The following CREM variants were observed in gnomAD, a reference collection of about 807,000 sequenced individuals.
CREM encodes the protein cAMP-responsive element modulator.
CREM carries 13 observed loss-of-function variants against 37.3 expected under a neutral mutation model. The observed-to-expected ratio is 0.35, with a 90% CI of 0.23 to 0.55. CREM has a LOEUF of 0.55. Among genes scored for constraint, CREM ranks in the 20% least tolerant of loss-of-function variants. The pLI, the probability that CREM is intolerant of heterozygous loss-of-function variation, is 0.88. For synonymous variants in CREM, 124 were observed against 120.2 expected, an observed-to-expected ratio of 1.03 and a Z score of -0.21; for missense variants, 296 against 362.3, an observed-to-expected ratio of 0.82 and a Z score of 1.49.
At chr10:35,141,437 G>C (rs1197706609) in intron 2 of CREM, among the ~76,000 whole-genome samples, 1 of 152,210 alleles carries the variant, frequency 6.6e-6, no homozygotes, top group East Asian at 1.9e-4. Context: ...TTGTTCTTTA[G>C]AAGGTAGAAT....
intron 6 of CREM, among the ~76,000 whole-genome samples, chr10:35,199,312 T>C (rs1008100412): frequency 6.6e-6 from 1 of 152,274 alleles, no homozygotes; most frequent in Non-Finnish European, 1.5e-5. Context: ...ACTCATGTTA[T>C]TTTCCTACTA....
intron 3 of CREM, among the ~76,000 whole-genome samples, chr10:35,164,962 A>G (rs1243551200): frequency 6.6e-6 from 1 of 150,490 alleles, no homozygotes; most frequent in African/African-American, 2.4e-5. Flanking sequence ...GAGGCAGGAG[A>G]ATCACTTGAA....
intron 6 of CREM, among the ~76,000 whole-genome samples, chr10:35,193,363 TC>T (rs2094999405): frequency 6.6e-6 from 1 of 152,186 alleles, no homozygotes. Flanking sequence ...CTTCTTTCTT[TC>T]CTTCCTTGCC....
intron 5 of CREM, among the ~76,000 whole-genome samples, chr10:35,184,753 G>A (rs1210974948): frequency 6.6e-6 from 1 of 152,118 alleles, no homozygotes; most frequent in African/African-American, 2.4e-5. Flanking sequence ...GATCAGAACT[G>A]TGGGGAAACA....
chr10:35,211,295 T>A lies in CREM; in HGVS notation c.797T>A (p.Val266Asp). The change falls in exon 8 of 8, where the codon GTC (valine) becomes GAC (aspartate). Residue 266 changes from valine to aspartate, a missense_variant. Transcript: ENST00000685392. The part of the protein sequence containing the change: ...RECRRKKKEY[V>D]KCLENRVAVL... ...TGTCGCAGGAAGAAGAAAGAATATGTCAAATGTCTTGAAAATCGTGTGGCT... is the reference window on the plus strand; with the variant it reads ...TGTCGCAGGAAGAAGAAAGAATATGACAAATGTCTTGAAAATCGTGTGGCT... The A allele has an allele frequency of 6.2e-7, 1 of 1,614,034 alleles. No homozygotes were observed.
In CREM at chr10:35,206,909, A is replaced by G. The variant is rs780745339; in HGVS notation, c.613A>G (p.Met205Val). The change falls in exon 7 of 8, where the codon ATG becomes GTG. Residue 205 changes from methionine to valine, a missense_variant. Physicochemically the swap from Met to Val is conservative, Grantham distance 21. This residue lies in a region of CREM where 257 missense variants were observed against 280.2 expected (regional missense o/e 0.92). Coordinates refer to ENST00000685392, the MANE Select transcript of CREM (RefSeq NM_183011.2). Reference sequence around the variant, plus strand: ...TTTTACTGCAGCTGCCACTGGTGACATGCCAACTTACCAGATCCGAGCTCC... The same window carrying G: ...TTTTACTGCAGCTGCCACTGGTGACGTGCCAACTTACCAGATCCGAGCTCC... ...QVVVQAATGD[M>V]PTYQIRAPTA... The G allele has an allele frequency of 3.7e-6, 6 of 1,613,648 alleles. No homozygotes were observed. The highest frequency in any genetic ancestry group is 2.2e-5 in the East Asian group (1 of 44,892).
intron 6 of CREM, among the ~76,000 whole-genome samples, chr10:35,197,589 A>C (rs2095244085): frequency 6.6e-6 from 1 of 151,986 alleles, no homozygotes; most frequent in African/African-American, 2.4e-5. Context: ...AGTAGCTGGG[A>C]CTACAGGTGC....
chr10:35,186,786 T>A (rs1159011004), intron 5 of CREM, among the ~76,000 whole-genome samples: 1 of 127,572 alleles, frequency 7.8e-6, no homozygotes. Context: ...AAATTATATA[T>A]AACATAATTA....
At chr10:35,193,143 G>C (rs2094991485) in intron 6 of CREM, among the ~76,000 whole-genome samples, 1 of 152,150 alleles carries the variant, frequency 6.6e-6, no homozygotes, top group Admixed American at 6.5e-5. Context: ...GTGGCTCTCT[G>C]TCTTGCTAGA....
At chr10:35,201,571 T>C in intron 6 of CREM, 1 of 1,518,490 alleles carries the variant, frequency 6.6e-7, no homozygotes, top group Non-Finnish European at 8.9e-7. Flanking sequence ...CAAAGAGAGA[T>C]ATGTAGTTAA....
intron 3 of CREM, among the ~76,000 whole-genome samples, chr10:35,157,276 C>CAACT (rs34364693): frequency 0.29 from 44,310 of 151,832 alleles, 6,965 homozygotes; most frequent in South Asian, 0.35. Context: ...GACACACCCA[C>CAACT]AACTAACATC....
intron 1 of CREM, among the ~76,000 whole-genome samples, chr10:35,134,570 ATTTG>A (rs1157650440): frequency 6.6e-6 from 1 of 152,088 alleles, no homozygotes; most frequent in Non-Finnish European, 1.5e-5. Flanking sequence ...AGCATATTGT[ATTTG>A]TTTGCTTATA....
At chr10:35,158,821 G>GTTTTT (rs1271855315) in intron 3 of CREM, among the ~76,000 whole-genome samples, 22 of 62,356 alleles carry the variant, frequency 3.5e-4, no homozygotes, top group African/African-American at 9.5e-4. Flanking sequence ...TGTTTTGTTT[G>GTTTTT]TTTTTTTTTT....
At chr10:35,154,555 GTTTT>G (rs1270746428) in intron 3 of CREM, 2 of 152,316 alleles carry the variant, frequency 1.3e-5, no homozygotes, top group African/African-American at 4.8e-5. Flanking sequence ...AAAAGTTTCT[GTTTT>G]ACTGTAGATT....
rs2093078412 is a variant in CREM, at chr10:35,158,798, G to GTGTTTTTTTTTTTTTTT, written c.168+10308_168+10309insGTTTTTTTTTTTTTTTT. 3.0e-5 allele frequency among the ~76,000 whole-genome samples: 3 copies of GTGTTTTTTTTTTTTTTT among 100,840 alleles called. 1 individual carries two copies. The highest frequency in any genetic ancestry group is 1.1e-4 in the African/African-American group (3 of 28,372). The allele number at this position is 100,840 out of a possible 152,430, so 66.2% of individuals were successfully genotyped here. A position where few individuals can be genotyped will look rare whatever the true frequency, so the allele number is the denominator to read the frequency against. ...CTTTTTGGAGAGTAGCAAATATAGT[G>GTGTTTTTTTTTTTTTTT]TTTTTTTTTTGTTGTTTTGTTTGTT... is the stretch of plus-strand genomic sequence containing the variant. On this transcript the variant is annotated intron_variant, in intron 3 of 7. Transcript: ENST00000685392.
At chr10:35,188,161 C>T in intron 5 of CREM, 39 bp from the exon 6 acceptor site, 1 of 1,554,298 alleles carries the variant, frequency 6.4e-7, no homozygotes. Context: ...AAAAATAAAT[C>T]TTGAAATTCT....
intron 1 of CREM, among the ~76,000 whole-genome samples, chr10:35,133,906 C>T (rs186730226): frequency 6.6e-6 from 1 of 152,340 alleles, no homozygotes; most frequent in Non-Finnish European, 1.5e-5. Context: ...GAGTGGAGAA[C>T]ACTGTTAATA....
chr10:35,164,640 G>C (rs760706586), intron 3 of CREM, among the ~76,000 whole-genome samples: 2 of 152,178 alleles, frequency 1.3e-5, no homozygotes, highest in South Asian at 2.1e-4. Context: ...TTTTTGTAAG[G>C]AGCTAAACTC....
Position 35,137,807 on chromosome 10 carries a change from G to A in CREM, c.-29G>A. 1 of 1,514,074 alleles carries A rather than the reference G, an allele frequency of 6.6e-7. No homozygotes were observed. Among genetic ancestry groups the A allele is most frequent in the Admixed American group, 2.0e-5 (1 of 50,286 alleles). The allele number at this position is 1,514,074 out of a possible 1,614,324, so 93.8% of individuals were successfully genotyped here. A position where few individuals can be genotyped will look rare whatever the true frequency, so the allele number is the denominator to read the frequency against. Reference sequence around the variant, plus strand: ...GATAAATAAAGAAAACAGGAAAGGAGGAAAGCATTGATTACAAATATCTTA... The same window carrying A: ...GATAAATAAAGAAAACAGGAAAGGAAGAAAGCATTGATTACAAATATCTTA... On this transcript the variant is annotated 5_prime_UTR_variant, in exon 2 of 8. Coordinates refer to ENST00000685392, the MANE Select transcript of CREM (RefSeq NM_183011.2).
Sources: allele counts gnomAD v4.1 joint callset (sites outside exome capture counted in the v4.1 genomes callset), GRCh38; gene constraint gnomAD v4.1.1; regional missense constraint gnomAD v4.1.1; transcripts MANE v1.5; gene names NCBI Gene and HGNC (gene_info 2026-07-23, HGNC 2026-07-21).